Variants in ZBTB21 observed in about 807,000 individuals in gnomAD.
ZBTB21 encodes zinc finger and BTB domain containing 21.
In ZBTB21, 10 loss-of-function variants were observed where a neutral mutation model predicts 39.8. The ratio of observed to expected loss-of-function variants is 0.25; its 90% CI spans 0.16 to 0.43. ZBTB21 has a LOEUF of 0.43. Among genes scored for constraint, ZBTB21 ranks in the 20% least tolerant of loss-of-function variants. The pLI is 1.00. For missense variants in ZBTB21, 1,221 were observed against 1,296.3 expected (o/e 0.94, Z 0.89); for synonymous variants, 551 against 498.8 (o/e 1.10, Z -1.40).
At chr21:42,008,834 G>A (rs1031575719) in intron 1 of ZBTB21, among the ~76,000 whole-genome samples, 1 of 152,114 alleles carries the variant, frequency 6.6e-6, no homozygotes, top group Non-Finnish European at 1.5e-5. Flanking sequence ...TTCAAATTTT[G>A]ACTTTCTTTT....
chr21:42,003,226 C>T (rs947265407), intron 1 of ZBTB21, among the ~76,000 whole-genome samples: 1 of 152,240 alleles, frequency 6.6e-6, no homozygotes. Context: ...CAGCACTTCC[C>T]ATGTGGCACA....
intron 1 of ZBTB21, among the ~76,000 whole-genome samples, chr21:42,004,004 C>CT (rs35909811): frequency 2.8e-3 from 378 of 135,016 alleles, no homozygotes; most frequent in Middle Eastern, 7.9e-3. Flanking sequence ...TATCTCACAT[C>CT]TTTTTTTTTT....
Position 42,002,981 on chromosome 21 carries a change from G to C in ZBTB21, c.-78-20C>G, listed in dbSNP as rs2065836001. 1 of 152,206 alleles carries C rather than the reference G, an allele frequency of 6.6e-6. No individual in the cohort carries two copies. The highest frequency in any genetic ancestry group is 1.5e-5 in the Non-Finnish European group (1 of 68,048). 9.4% of individuals were successfully genotyped at this position (152,206 alleles called of 1,614,324 possible). ...TGTCTTCTGAAATTTCAAAATGAGAGAATCTTTATGGTTAACAATTCACAG... is the reference window on the plus strand; with the variant it reads ...TGTCTTCTGAAATTTCAAAATGAGACAATCTTTATGGTTAACAATTCACAG... On this transcript the variant is annotated intron_variant, in intron 1 of 2. Coordinates refer to ENST00000310826, the MANE Select transcript of ZBTB21 (RefSeq NM_001098402.2).
chr21:41,989,445 A>G lies in ZBTB21; in HGVS notation c.*1450T>C, dbSNP rs1305662745. On this transcript the variant is annotated 3_prime_UTR_variant, in exon 3 of 3. Coordinates refer to ENST00000310826, the MANE Select transcript of ZBTB21 (RefSeq NM_001098402.2). ...GAAAGAATACCTCGTAACACAAACT[A>G]GAGTCTAAATTGGTATTACTTTCTT... 1 of 152,170 alleles carries G rather than the reference A, an allele frequency of 6.6e-6. No homozygotes were observed. Among genetic ancestry groups the G allele is most frequent in the African/African-American group, 2.4e-5 (1 of 41,452 alleles). The allele number at this position is 152,170 out of a possible 1,614,324, so 9.4% of individuals were successfully genotyped here. A position where few individuals can be genotyped will look rare whatever the true frequency, so the allele number is the denominator to read the frequency against.
At chr21:41,998,939 T>A (rs142543456) in intron 2 of ZBTB21, among the ~76,000 whole-genome samples, 2,950 of 152,330 alleles carry the variant, frequency 0.019, 74 homozygotes, top group African/African-American at 0.056. Flanking sequence ...TCTATTTTTT[T>A]AAAAAATTAT....
At chr21:42,008,949 T>G (rs530924984) in intron 1 of ZBTB21, among the ~76,000 whole-genome samples, 1 of 152,326 alleles carries the variant, frequency 6.6e-6, no homozygotes, top group South Asian at 2.1e-4. Context: ...AAGATAATTT[T>G]CCATGAGAAA....
chr21:42,004,955 C>T (rs541187928), intron 1 of ZBTB21, among the ~76,000 whole-genome samples: 83 of 152,340 alleles, frequency 5.4e-4, no homozygotes, highest in Non-Finnish European at 8.5e-4. Context: ...TTGGTGACAA[C>T]GCAAATATCC....
rs2065618497 is a variant in ZBTB21, at chr21:41,989,247, A to G, written c.*1648T>C. 6.6e-6 allele frequency: 1 copy of G among 151,270 alleles called. No homozygotes were observed. The highest frequency in any genetic ancestry group is 1.5e-5 in the Non-Finnish European group (1 of 67,460). 9.4% of individuals were successfully genotyped at this position (151,270 alleles called of 1,614,324 possible). A position where few individuals can be genotyped will look rare whatever the true frequency, so the allele number is the denominator to read the frequency against. Reference sequence around the variant, plus strand: ...CATATATAATATCCATAATGTACAAAGTCAATCAGTATTTTATAAAAATGT... The same window carrying G: ...CATATATAATATCCATAATGTACAAGGTCAATCAGTATTTTATAAAAATGT... On this transcript the variant is annotated 3_prime_UTR_variant, in exon 3 of 3. Transcript: ENST00000310826.
Position 42,000,806 on chromosome 21 carries a change from T to C in ZBTB21, c.-14+2091A>G, listed in dbSNP as rs962632454. Among the ~76,000 whole-genome samples, 3 of 152,306 alleles carry C rather than the reference T, an allele frequency of 2.0e-5. No homozygotes were observed. The East Asian group carries it at 5.8e-4, about 29-fold the overall frequency. On this transcript the variant is annotated intron_variant, in intron 2 of 2. Transcript: ENST00000310826. Reference sequence around the variant, plus strand: ...AAATACTCACTGTCCCTGAAAATTATTGGGGATTTAAAACTTAACTTTCCT... The same window carrying C: ...AAATACTCACTGTCCCTGAAAATTACTGGGGATTTAAAACTTAACTTTCCT...
In ZBTB21 at chr21:41,988,069, A is replaced by G. The variant is rs933716319; in HGVS notation, c.*2826T>C. ...AGTTGTATATTCTGGTAAAATTATA[A>G]ATGCATACTAACTAGTTTTAAAGGT... On this transcript the variant is annotated 3_prime_UTR_variant, in exon 3 of 3. Coordinates refer to ENST00000310826, the MANE Select transcript of ZBTB21 (RefSeq NM_001098402.2). 1 of 152,232 alleles carries G rather than the reference A, an allele frequency of 6.6e-6. No homozygotes were observed. The highest frequency in any genetic ancestry group is 1.5e-5 in the Non-Finnish European group (1 of 68,026). The allele number at this position is 152,232 out of a possible 1,614,324, so 9.4% of individuals were successfully genotyped here. A position where few individuals can be genotyped will look rare whatever the true frequency, so the allele number is the denominator to read the frequency against.
rs533439299 is a variant in ZBTB21 at position 42,003,281 on chromosome 21, G to A, written c.-78-320C>T. On this transcript the variant is annotated intron_variant, in intron 1 of 2. Coordinates refer to ENST00000310826, the MANE Select transcript of ZBTB21 (RefSeq NM_001098402.2). ...TCCACTTCCCCTCACAGATGCTTGCGTGGGCCTGCTACCCACCACACATCA... is the reference window on the plus strand; with the variant it reads ...TCCACTTCCCCTCACAGATGCTTGCATGGGCCTGCTACCCACCACACATCA... Among the ~76,000 whole-genome samples the A allele has an allele frequency of 5.9e-5, 9 of 152,314 alleles. No homozygotes were observed. The South Asian group carries it at 1.0e-3, about 18-fold the overall frequency.
At chr21:42,007,541 T>C (rs982221503) in intron 1 of ZBTB21, among the ~76,000 whole-genome samples, 2 of 152,168 alleles carry the variant, frequency 1.3e-5, no homozygotes, top group African/African-American at 4.8e-5. Context: ...TTTCGAAAGA[T>C]CCAGTTGAAA....
In ZBTB21 at chr21:41,992,630, T is replaced by A; in HGVS notation, c.1466A>T (p.Asp489Val). 1 of 1,614,184 alleles carries A rather than the reference T, an allele frequency of 6.2e-7. No individual in the cohort carries two copies. The highest frequency in any genetic ancestry group is 8.5e-7 in the Non-Finnish European group (1 of 1,180,036). The change falls in exon 3 of 3, where the codon GAC becomes GTC. Residue 489 changes from aspartate to valine, a missense_variant. Coordinates refer to ENST00000310826, the MANE Select transcript of ZBTB21 (RefSeq NM_001098402.2). The surrounding 1 kb of genome is among the most constrained non-coding windows in gnomAD (Gnocchi z 4.1). ...RLPAKRRFQADRRLPFKKLKV... is the reference protein window; with the variant it reads ...RLPAKRRFQAVRRLPFKKLKV... Reference sequence around the variant, plus strand: ...TAACTTCTTAAACGGCAATCTTCGGTCCGCTTGGAACCTCCTTTTTGCTGG... The same window carrying A: ...TAACTTCTTAAACGGCAATCTTCGGACCGCTTGGAACCTCCTTTTTGCTGG...
rs1367612245 is a variant in ZBTB21, at chr21:41,989,287, A to C, written c.*1608T>G. 1 of 152,168 alleles carries C rather than the reference A, an allele frequency of 6.6e-6. No individual in the cohort carries two copies. The highest frequency in any genetic ancestry group is 1.5e-5 in the Non-Finnish European group (1 of 67,986). The allele number at this position is 152,168 out of a possible 1,614,324, so 9.4% of individuals were successfully genotyped here. ...TATAAAAATGTCTGGTTCAATAAAA[A>C]AAATGAGAATATCTTTCCTACCACT... On this transcript the variant is annotated 3_prime_UTR_variant, in exon 3 of 3. Transcript: ENST00000310826.
chr21:41,989,539 T>C lies in ZBTB21; in HGVS notation c.*1356A>G, dbSNP rs1413401857. 2.0e-5 allele frequency: 3 copies of C among 152,160 alleles called. No individual in the cohort carries two copies. Among genetic ancestry groups the C allele is most frequent in the Admixed American group, 2.0e-4 (3 of 15,280 alleles). The allele number at this position is 152,160 out of a possible 1,614,324, so 9.4% of individuals were successfully genotyped here. The stretch of plus-strand genomic sequence containing the variant: ...ACCCCCACAAGTAAAAGTTTTCCCT[T>C]TTGAAACACATTGAACTTTGGATAT... On this transcript the variant is annotated 3_prime_UTR_variant, in exon 3 of 3. Transcript: ENST00000310826.
chr21:42,007,190 G>A (rs752455635), intron 1 of ZBTB21, among the ~76,000 whole-genome samples: 4 of 152,084 alleles, frequency 2.6e-5, no homozygotes, highest in Non-Finnish European at 5.9e-5. Context: ...ATATCTTTTG[G>A]CATTATCAAT....
Position 41,991,039 on chromosome 21 carries a change from A to G in ZBTB21, c.3057T>C (p.Phe1019=), listed in dbSNP as rs2065643493. The change falls in exon 3 of 3, where the codon TTT becomes TTC. Residue 1019 remains phenylalanine, a synonymous_variant. Coordinates refer to ENST00000310826, the MANE Select transcript of ZBTB21 (RefSeq NM_001098402.2). The surrounding 1 kb of genome is among the most constrained non-coding windows in gnomAD (Gnocchi z 4.9). ...AAAGGGTGTCTGATTCTTGGGGCACAAACAGTTTTTCTGTGGCTGGAGTTG... is the reference window on the plus strand; with the variant it reads ...AAAGGGTGTCTGATTCTTGGGGCACGAACAGTTTTTCTGTGGCTGGAGTTG... ...ENPTPATEKL[F]VPQESDTLFY... The G allele has an allele frequency of 6.3e-7, 1 of 1,585,406 alleles. No individual in the cohort carries two copies. The highest frequency in any genetic ancestry group is 1.4e-5 in the African/African-American group (1 of 73,720).
intron 2 of ZBTB21, among the ~76,000 whole-genome samples, chr21:41,994,480 G>A (rs935451807): frequency 2.0e-5 from 3 of 152,128 alleles, no homozygotes; most frequent in Non-Finnish European, 4.4e-5. Flanking sequence ...CAGAAAACAA[G>A]TACGAATTAT....
rs1163044108 is a variant in ZBTB21, at chr21:41,987,675, T to C, written c.*3220A>G. On this transcript the variant is annotated 3_prime_UTR_variant, in exon 3 of 3. Transcript: ENST00000310826. ...CTTTTTACTAAGAAACTTCAAATAATTTTACTTCCTGAAGTTCCAGATTAC... is the reference window on the plus strand; with the variant it reads ...CTTTTTACTAAGAAACTTCAAATAACTTTACTTCCTGAAGTTCCAGATTAC... 2 of 152,210 alleles carry C rather than the reference T, an allele frequency of 1.3e-5. No individual in the cohort carries two copies. The highest frequency in any genetic ancestry group is 6.5e-5 in the Admixed American group (1 of 15,276). The allele number at this position is 152,210 out of a possible 1,614,324, so 9.4% of individuals were successfully genotyped here. A position where few individuals can be genotyped will look rare whatever the true frequency, so the allele number is the denominator to read the frequency against.
Sources: gnomAD v4.1 joint callset for allele counts (sites outside exome capture counted in the v4.1 genomes callset) on GRCh38, gnomAD v4.1.1 for gene constraint, Gnocchi (gnomAD v3.1) non-coding constraint, MANE v1.5 for transcripts, NCBI Gene and HGNC (gene_info 2026-07-23, HGNC 2026-07-21) for gene names.